SVEP1: variants seen among roughly 807,000 people sequenced by gnomAD.
The protein encoded by SVEP1 is sushi, von Willebrand factor type A, EGF and pentraxin domain-containing protein 1.
SVEP1 carries 164 observed loss-of-function variants against 367.3 expected under a neutral mutation model. The ratio of observed to expected loss-of-function variants is 0.45; its 90% confidence interval spans 0.39 to 0.51. The LOEUF is 0.51. SVEP1 is among the 20% of genes least tolerant of loss of function. SVEP1 has a pLI of 0.00. For missense variants in SVEP1, 4,117 were observed against 4,425.3 expected (o/e 0.93, Z 1.98); for synonymous variants, 1,666 against 1,611.6 (o/e 1.03, Z -0.81).
intron 8 of SVEP1, among the ~76,000 whole-genome samples, chr9:110,495,607 G>A (rs1052782519): frequency 6.6e-6 from 1 of 151,924 alleles, no homozygotes; most frequent in East Asian, 1.9e-4. Context: ...GTTGCGCTCT[G>A]CATCCCCCCC....
chr9:110,473,598 A>G (rs1311344815), intron 14 of SVEP1, among the ~76,000 whole-genome samples: 2 of 152,230 alleles, frequency 1.3e-5, no homozygotes, highest in African/African-American at 4.8e-5. Flanking sequence ...CTTGTATGGT[A>G]CAACACAAAC....
At chr9:110,555,714 C>T (rs1830348313) in intron 1 of SVEP1, among the ~76,000 whole-genome samples, 1 of 151,750 alleles carries the variant, frequency 6.6e-6, no homozygotes, top group African/African-American at 2.4e-5. Flanking sequence ...GCAAGAATAG[C>T]AGGACTAGTA....
chr9:110,550,835 C>G (rs576817542), intron 1 of SVEP1, among the ~76,000 whole-genome samples: 4 of 152,148 alleles, frequency 2.6e-5, no homozygotes, highest in Non-Finnish European at 5.9e-5. Context: ...GCTCTTCCTT[C>G]TCTACAGATA....
At chr9:110,551,763 G>A (rs898468419) in intron 1 of SVEP1, among the ~76,000 whole-genome samples, 2 of 152,158 alleles carry the variant, frequency 1.3e-5, no homozygotes, top group Admixed American at 6.5e-5. Flanking sequence ...CCACACTCCA[G>A]AGAAGAAAAA....
chr9:110,444,410 A>T (rs1828559526), intron 26 of SVEP1, among the ~76,000 whole-genome samples: 1 of 152,182 alleles, frequency 6.6e-6, no homozygotes, highest in South Asian at 2.1e-4. Context: ...AAGCCTCCAG[A>T]ACTGTGAGAA....
intron 9 of SVEP1, among the ~76,000 whole-genome samples, chr9:110,486,653 CTCTT>C (rs975343499): frequency 2.6e-5 from 2 of 77,876 alleles, no homozygotes; most frequent in Non-Finnish European, 5.4e-5. Flanking sequence ...CTCTCTCTCT[CTCTT>C]TTTTTTTTTA....
chr9:110,424,800 G>A (rs1187243499), intron 36 of SVEP1, among the ~76,000 whole-genome samples: 4 of 152,072 alleles, frequency 2.6e-5, no homozygotes, highest in Non-Finnish European at 5.9e-5. Flanking sequence ...TCAGCCTCCC[G>A]AGTAGCTGGG....
chr9:110,423,381 G>T (rs1310214365), intron 36 of SVEP1, among the ~76,000 whole-genome samples: 3 of 151,760 alleles, frequency 2.0e-5, no homozygotes, highest in African/African-American at 4.8e-5. Context: ...AAGAAATAGT[G>T]GTGAAAAAAT....
intron 22 of SVEP1, among the ~76,000 whole-genome samples, chr9:110,451,622 T>A (rs1828694674): frequency 6.6e-6 from 1 of 152,226 alleles, no homozygotes; most frequent in African/African-American, 2.4e-5. Context: ...TGGAAAATGA[T>A]AACCACGAAT....
chr9:110,408,124 T>C lies in SVEP1; in HGVS notation c.7476A>G (p.Thr2492=). ...ENGHWLGGKP[T]CKAIECLKPK... ...GTTTCAGGCACTCAATGGCTTTACA[T>C]GTTGGTTTTCCTCCAAGCCAGTGAC... The change falls in exon 38 of 48, where the codon ACA becomes ACG. Residue 2492 remains threonine, a synonymous_variant. Coordinates refer to ENST00000374469, the MANE Select transcript of SVEP1 (RefSeq NM_153366.4). The C allele has an allele frequency of 2.5e-6, 4 of 1,613,816 alleles. No homozygotes were observed. The highest frequency in any genetic ancestry group is 2.2e-5 in the South Asian group (2 of 91,038).
At chr9:110,562,085 G>A (rs1830438840) in intron 1 of SVEP1, among the ~76,000 whole-genome samples, 1 of 151,828 alleles carries the variant, frequency 6.6e-6, no homozygotes, top group South Asian at 2.1e-4. Context: ...CATCAAATTG[G>A]GAAATGGTAC....
chr9:110,577,554 A>C (rs1158013648), intron 1 of SVEP1, among the ~76,000 whole-genome samples: 1 of 152,176 alleles, frequency 6.6e-6, no homozygotes, highest in East Asian at 1.9e-4. Context: ...GAGCTATTCT[A>C]AAACTATGAA....
rs1288152358 is a variant in SVEP1 at position 110,390,336 on chromosome 9, C to CTTATATAT, written c.9823-750_9823-749insATATATAA. 3.5e-4 allele frequency among the ~76,000 whole-genome samples: 8 copies of CTTATATAT among 22,998 alleles called. 2 individuals carry two copies. The highest frequency in any genetic ancestry group is 5.7e-4 in the Non-Finnish European group (8 of 14,102). The allele number at this position is 22,998 out of a possible 152,430, so 15.1% of individuals were successfully genotyped here. A position where few individuals can be genotyped will look rare whatever the true frequency, so the allele number is the denominator to read the frequency against. ...ATGTGTATATATACTTATATATACA[C>CTTATATAT]ATACTTATATACACTTATATATATA... is the stretch of plus-strand genomic sequence containing the variant. On this transcript the variant is annotated intron_variant, in intron 40 of 47. Transcript: ENST00000374469.
rs1311039273 is a variant in SVEP1, at chr9:110,375,312, C to G, written c.10600+56G>C. On this transcript the variant is annotated intron_variant, in intron 46 of 47. Transcript: ENST00000374469. ...AGTCTAAGTCACACTCTTCAATGTC[C>G]TCTGGAGTTTCATGGGCCTGAGCCA... is the stretch of plus-strand genomic sequence containing the variant. 5 of 1,445,432 alleles carry G rather than the reference C, an allele frequency of 3.5e-6. No homozygotes were observed. In the African/African-American group the frequency reaches 5.8e-5, roughly 17 times the overall value. The allele number at this position is 1,445,432 out of a possible 1,614,324, so 89.5% of individuals were successfully genotyped here.
chr9:110,453,884 T>A (rs1227595676), intron 22 of SVEP1, among the ~76,000 whole-genome samples: 1 of 145,440 alleles, frequency 6.9e-6, no homozygotes, highest in Non-Finnish European at 1.5e-5. Context: ...ATACAAAAAT[T>A]AAAAAAAAAA....
chr9:110,579,189 C>T lies in SVEP1; in HGVS notation c.355G>A (p.Ala119Thr). Residue 119 changes from alanine to threonine, a missense_variant, in exon 1 of 48, where the codon GCC (alanine) becomes ACC (threonine). By Grantham distance (58) the Ala-to-Thr change is moderately conservative (BLOSUM62 0). This residue lies in a region of SVEP1 where 2,174 missense variants were observed against 2,494.3 expected (regional missense o/e 0.87). Coordinates refer to ENST00000374469, the MANE Select transcript of SVEP1 (RefSeq NM_153366.4). The surrounding 1 kb of genome is among the most constrained non-coding windows in gnomAD (Gnocchi z 5.3). ...LLSDFPVVPT[A>T]TRVAIVTFSS... ...AAGGTCACGATGGCCACGCGCGTGG[C>T]CGTGGGCACCACGGGGAAGTCGGAC... 2 of 1,569,606 alleles carry T rather than the reference C, an allele frequency of 1.3e-6. No homozygotes were observed. The highest frequency in any genetic ancestry group is 1.7e-6 in the Non-Finnish European group (2 of 1,158,224).
chr9:110,453,088 C>T (rs759142170), intron 22 of SVEP1, among the ~76,000 whole-genome samples: 3 of 152,076 alleles, frequency 2.0e-5, no homozygotes, highest in Non-Finnish European at 4.4e-5. Context: ...TTTTTAGATA[C>T]ACAATAAAAT....
chr9:110,579,124 G>A lies in SVEP1; in HGVS notation c.420C>T (p.Ile140=). 2 of 1,554,150 alleles carry A rather than the reference G, an allele frequency of 1.3e-6. No individual in the cohort carries two copies. The highest frequency in any genetic ancestry group is 4.9e-5 in the East Asian group (2 of 41,030). Residue 140 remains isoleucine, a synonymous_variant, in exon 1 of 48, where the codon ATC becomes ATT. Transcript: ENST00000374469. This position sits in a 1 kb window ranked among gnomAD's most constrained non-coding sequence, Gnocchi z 5.3. ...TGTGCTGGCGCGCGCGGCGGGTGGA[G>A]ATGTAATCGACGCGCGGCACCACGT... ...KNYVVPRVDY[I]STRRARQHKC...
At chr9:110,546,875 C>A (rs978222981) in intron 2 of SVEP1, among the ~76,000 whole-genome samples, 3 of 152,188 alleles carry the variant, frequency 2.0e-5, no homozygotes, top group African/African-American at 7.2e-5. Flanking sequence ...TCAGGCAGAC[C>A]TGTTTAGAAA....
Sources: gnomAD v4.1 joint callset for allele counts (sites outside exome capture counted in the v4.1 genomes callset) on GRCh38, gnomAD v4.1.1 for gene constraint, gnomAD v4.1.1 regional missense constraint, Gnocchi (gnomAD v3.1) non-coding constraint, MANE v1.5 for transcripts, NCBI Gene and HGNC (gene_info 2026-07-23, HGNC 2026-07-21) for gene names.